The following ZMAT4 variants were observed in gnomAD, a reference collection of about 807,000 sequenced individuals.
The protein encoded by ZMAT4 is zinc finger matrin-type 4.
A neutral mutation model predicts 28.7 loss-of-function variants in ZMAT4; 17 were observed. The ratio of observed to expected loss-of-function variants is 0.59; its 90% CI spans 0.41 to 0.89. The LOEUF (loss-of-function observed/expected upper bound fraction) is 0.89, where lower values mean the gene tolerates loss of function less well. ZMAT4 is among the 40% of genes least tolerant of loss of function. ZMAT4 has a pLI of 0.00. For synonymous variants in ZMAT4, 117 were observed against 109.2 expected, an observed-to-expected ratio of 1.07 and a Z score of -0.44; for missense variants, 240 against 283.8, an observed-to-expected ratio of 0.85 and a Z score of 1.11.
intron 5 of ZMAT4, among the ~76,000 whole-genome samples, chr8:40,602,915 T>C (rs552982409): frequency 2.7e-4 from 41 of 152,268 alleles, no homozygotes; most frequent in African/African-American, 9.6e-4. Flanking sequence ...TTAGTTTAAT[T>C]AAGTCCCATC....
intron 5 of ZMAT4, among the ~76,000 whole-genome samples, chr8:40,671,066 CAAA>C (rs34621757): frequency 9.7e-5 from 12 of 123,536 alleles, no homozygotes; most frequent in Non-Finnish European, 1.4e-4. Flanking sequence ...GACTCCATCT[CAAA>C]AAAAAAAAAA....
At chr8:40,824,625 GA>G (rs1815957114) in intron 2 of ZMAT4, among the ~76,000 whole-genome samples, 2 of 132,928 alleles carry the variant, frequency 1.5e-5, no homozygotes, top group Middle Eastern at 3.9e-3. Context: ...AAGAAAGGAA[GA>G]AAAAAAGAAA....
intron 6 of ZMAT4, among the ~76,000 whole-genome samples, chr8:40,577,212 G>A (rs1327227413): frequency 6.6e-6 from 1 of 151,790 alleles, no homozygotes; most frequent in African/African-American, 2.4e-5. Context: ...AAAAAAAAAA[G>A]ATGTCTGTGC....
chr8:40,565,842 T>A (rs968768857), intron 6 of ZMAT4, among the ~76,000 whole-genome samples: 2 of 151,832 alleles, frequency 1.3e-5, no homozygotes, highest in East Asian at 3.9e-4. Flanking sequence ...CAGGTCCATG[T>A]TGGTGCCCAG....
At chr8:40,682,996 ATT>A (rs1203227149) in intron 4 of ZMAT4, among the ~76,000 whole-genome samples, 1 of 152,192 alleles carries the variant, frequency 6.6e-6, no homozygotes, top group Non-Finnish European at 1.5e-5. Context: ...AATATTGCAC[ATT>A]CTTTGCCTTG....
At chr8:40,695,519 A>AGGG (rs1366683216) in intron 4 of ZMAT4, among the ~76,000 whole-genome samples, 1 of 152,250 alleles carries the variant, frequency 6.6e-6, no homozygotes, top group Non-Finnish European at 1.5e-5. Context: ...CTTCTTGCCT[A>AGGG]TCCAGCAACC....
intron 1 of ZMAT4, among the ~76,000 whole-genome samples, chr8:40,861,813 G>GA (rs1431812669): frequency 1.3e-5 from 2 of 152,156 alleles, no homozygotes; most frequent in East Asian, 3.9e-4. Flanking sequence ...AAAAGCACAT[G>GA]AAAAAATGCT....
intron 5 of ZMAT4, among the ~76,000 whole-genome samples, chr8:40,642,303 A>T (rs750784916): frequency 2.6e-5 from 4 of 152,212 alleles, no homozygotes; most frequent in Non-Finnish European, 1.5e-5. Context: ...CTAGCGGGTG[A>T]ACATTCAATA....
intron 3 of ZMAT4, among the ~76,000 whole-genome samples, chr8:40,749,993 G>T (rs1018568072): frequency 2.6e-5 from 4 of 152,152 alleles, no homozygotes; most frequent in African/African-American, 7.2e-5. Flanking sequence ...TTTGCCAGAC[G>T]TAAGTCCAAA....
At chr8:40,710,626 A>T (rs768609290) in intron 3 of ZMAT4, among the ~76,000 whole-genome samples, 1 of 152,124 alleles carries the variant, frequency 6.6e-6, no homozygotes, top group East Asian at 1.9e-4. Flanking sequence ...GGGGGGAAAA[A>T]AAAAAAGACT....
At chr8:40,803,089 C>A (rs1369271516) in intron 2 of ZMAT4, among the ~76,000 whole-genome samples, 1 of 152,074 alleles carries the variant, frequency 6.6e-6, no homozygotes, top group Admixed American at 6.6e-5. Flanking sequence ...GAGCCACAGA[C>A]CTAAATTTAA....
chr8:40,573,948 T>A (rs991677346), intron 6 of ZMAT4, among the ~76,000 whole-genome samples: 8 of 152,206 alleles, frequency 5.3e-5, no homozygotes, highest in Non-Finnish European at 1.0e-4. Flanking sequence ...AGTTTAATAA[T>A]CTTTTTTCTT....
At chr8:40,823,648 G>C (rs966120040) in intron 2 of ZMAT4, among the ~76,000 whole-genome samples, 3 of 151,982 alleles carry the variant, frequency 2.0e-5, no homozygotes, top group Non-Finnish European at 4.4e-5. Context: ...GACAGAGTGA[G>C]ACTCCATCAC....
intron 2 of ZMAT4, among the ~76,000 whole-genome samples, chr8:40,816,071 C>T (rs187031043): frequency 1.1e-3 from 172 of 152,312 alleles, no homozygotes; most frequent in African/African-American, 3.9e-3. Flanking sequence ...AGAGACAATA[C>T]TACGTGTTCA....
chr8:40,543,043 C>T (rs889608540), intron 6 of ZMAT4, among the ~76,000 whole-genome samples: 1 of 152,154 alleles, frequency 6.6e-6, no homozygotes, highest in Non-Finnish European at 1.5e-5. Flanking sequence ...CTAAAATGAA[C>T]ACAAATTCCA....
At chr8:40,784,451 A>ACAAC (rs768556386) in intron 2 of ZMAT4, among the ~76,000 whole-genome samples, 24 of 152,160 alleles carry the variant, frequency 1.6e-4, no homozygotes, top group Non-Finnish European at 2.8e-4. Flanking sequence ...AAAATCGATA[A>ACAAC]CAACCATTAT....
At chr8:40,795,603 C>T (rs138770522) in intron 2 of ZMAT4, among the ~76,000 whole-genome samples, 104 of 152,298 alleles carry the variant, frequency 6.8e-4, no homozygotes, top group Non-Finnish European at 7.9e-4. Context: ...AGTTGGGAAA[C>T]TGCTCTCATC....
At chr8:40,846,492 G>A (rs925091742) in intron 1 of ZMAT4, among the ~76,000 whole-genome samples, 2 of 152,166 alleles carry the variant, frequency 1.3e-5, no homozygotes, top group Non-Finnish European at 2.9e-5. Flanking sequence ...AAAGTCACTG[G>A]GTGTTTGATC....
intron 1 of ZMAT4, among the ~76,000 whole-genome samples, chr8:40,830,782 T>C (rs1326680959): frequency 6.6e-6 from 1 of 152,210 alleles, no homozygotes; most frequent in Non-Finnish European, 1.5e-5. Context: ...CATGCAGGGC[T>C]CTTCAGAGGG....
Sources: allele counts gnomAD v4.1 joint callset (sites outside exome capture counted in the v4.1 genomes callset), GRCh38; gene constraint gnomAD v4.1.1; transcripts MANE v1.5; gene names NCBI Gene and HGNC (gene_info 2026-07-23, HGNC 2026-07-21).